Variants in SEMA6D observed in about 807,000 individuals in gnomAD.
SEMA6D encodes the protein semaphorin 6D.
In SEMA6D, 35 loss-of-function variants were observed where a neutral mutation model predicts 106.6. The ratio of observed to expected loss-of-function variants is 0.33; its 90% CI spans 0.25 to 0.44. SEMA6D has a LOEUF of 0.44. Ranked by LOEUF, SEMA6D falls within the 20% of genes least tolerant of loss-of-function variation. The pLI, the probability that SEMA6D is intolerant of heterozygous loss-of-function variation, is 1.00. For synonymous variants in SEMA6D, 499 were observed against 487.7 expected (o/e 1.02, Z -0.31); for missense variants, 1,185 against 1,345.9 (o/e 0.88, Z 1.87).
chr15:47,701,209 G>A (rs1034572943), intron 4 of SEMA6D, among the ~76,000 whole-genome samples: 3 of 152,182 alleles, frequency 2.0e-5, no homozygotes, highest in Non-Finnish European at 2.9e-5. Context: ...ATAAAGGACT[G>A]TTGTCCAAAA....
chr15:47,409,153 GTTTA>G (rs1253841936), intron 1 of SEMA6D, among the ~76,000 whole-genome samples: 3 of 152,200 alleles, frequency 2.0e-5, no homozygotes, highest in Admixed American at 1.3e-4. Context: ...AATGCTGATA[GTTTA>G]TTTAAGCTTG....
chr15:47,636,247 T>G lies in SEMA6D; in HGVS notation c.-55+35351T>G, dbSNP rs1373580741. ...AAAATAAGAGTAATAAAATGAAATT[T>G]AAAAGTACGCAAATAGAATCTGCTC... On this transcript the variant is annotated intron_variant, in intron 4 of 19. Transcript: ENST00000558014. 2.0e-5 allele frequency among the ~76,000 whole-genome samples: 3 copies of G among 152,348 alleles called. No homozygotes were observed. In the East Asian group the frequency reaches 5.8e-4, roughly 29 times the overall value.
intron 1 of SEMA6D, among the ~76,000 whole-genome samples, chr15:47,354,156 A>T (rs955970905): frequency 3.4e-5 from 5 of 147,844 alleles, no homozygotes; most frequent in Non-Finnish European, 5.9e-5. Context: ...GAAAGAGCTT[A>T]TATATATGGA....
intron 1 of SEMA6D, among the ~76,000 whole-genome samples, chr15:47,242,755 C>T (rs2032987835): frequency 6.6e-6 from 1 of 151,884 alleles, no homozygotes; most frequent in Non-Finnish European, 1.5e-5. Context: ...TAAAAGCAAC[C>T]CCTGATCATT....
chr15:47,285,314 A>G (rs1196128527), intron 1 of SEMA6D, among the ~76,000 whole-genome samples: 1 of 152,046 alleles, frequency 6.6e-6, no homozygotes, highest in Non-Finnish European at 1.5e-5. Flanking sequence ...TAGAGGAAAT[A>G]TATAATCTCC....
intron 4 of SEMA6D, chr15:47,600,939 G>A (rs16959754): frequency 6.6e-6 from 1 of 151,868 alleles, no homozygotes; most frequent in Non-Finnish European, 1.5e-5. Context: ...AAAATCCAGC[G>A]AATTGTTACT....
chr15:47,487,917 G>A (rs1477648814), intron 3 of SEMA6D, among the ~76,000 whole-genome samples: 1 of 151,932 alleles, frequency 6.6e-6, no homozygotes, highest in Non-Finnish European at 1.5e-5. Flanking sequence ...TCCTTCATCT[G>A]GGTTTTGGTG....
chr15:47,686,532 C>A (rs964800484), intron 4 of SEMA6D, among the ~76,000 whole-genome samples: 3 of 152,202 alleles, frequency 2.0e-5, no homozygotes, highest in African/African-American at 7.2e-5. Context: ...AAGTTGCTAA[C>A]ATTATGGATA....
At chr15:47,512,974 A>G (rs1442620018) in intron 3 of SEMA6D, among the ~76,000 whole-genome samples, 1 of 152,300 alleles carries the variant, frequency 6.6e-6, no homozygotes, top group South Asian at 2.1e-4. Flanking sequence ...GCCTTAACAG[A>G]TACCTTTTGC....
intron 3 of SEMA6D, among the ~76,000 whole-genome samples, chr15:47,584,473 A>G (rs2076303946): frequency 1.3e-5 from 2 of 151,980 alleles, no homozygotes; most frequent in South Asian, 4.2e-4. Flanking sequence ...GAATGGATGG[A>G]AATTTGCGGA....
At chr15:47,377,266 G>A (rs1419242177) in intron 1 of SEMA6D, among the ~76,000 whole-genome samples, 1 of 152,096 alleles carries the variant, frequency 6.6e-6, no homozygotes, top group African/African-American at 2.4e-5. Context: ...GTGTCTTAAC[G>A]AATGAAATGA....
intron 1 of SEMA6D, chr15:47,730,570 G>A: frequency 6.9e-7 from 1 of 1,444,156 alleles, no homozygotes; most frequent in East Asian, 2.3e-5. Context: ...CATCCCCTTT[G>A]CCAGCAGCTT....
chr15:47,204,937 G>C (rs1159590641), intron 1 of SEMA6D, among the ~76,000 whole-genome samples: 1 of 152,108 alleles, frequency 6.6e-6, no homozygotes, highest in Non-Finnish European at 1.5e-5. Flanking sequence ...ACCTTGGGGG[G>C]AGAAGGGAAA....
rs776772357 is a variant in SEMA6D at position 47,764,892 on chromosome 15, G to A, written c.1263G>A (p.Leu421=). 1 of 1,613,828 alleles carries A rather than the reference G, an allele frequency of 6.2e-7. No homozygotes were observed. The highest frequency in any genetic ancestry group is 1.1e-5 in the South Asian group (1 of 91,072). Reference sequence around the variant, plus strand: ...CCGCCTCCTCTTGTAGGTACAGACTGACGGCCATCTCAGTGGACCATTCAG... The same window carrying A: ...CCGCCTCCTCTTGTAGGTACAGACTAACGGCCATCTCAGTGGACCATTCAG... ...WFTKTRVRYR[L]TAISVDHSAG... Residue 421 remains leucine (L), a synonymous_variant, in exon 13 of 19, where the codon CTG becomes CTA. Coordinates refer to ENST00000536845, the MANE Select transcript of SEMA6D (RefSeq NM_001358351.3).
chr15:47,185,701 A>C lies in SEMA6D; in HGVS notation c.-239+1283A>C, dbSNP rs148947201. ...CATGGAGGCAGACATGTGTACCCAG[A>C]ATCAGAGGGAGCCGGTTATCCTCAG... On this transcript the variant is annotated intron_variant, in intron 1 of 19. Coordinates refer to the SEMA6D transcript ENST00000558014. 6.7e-3 allele frequency: 1,021 copies of C among 152,294 alleles called. 12 individuals are homozygous for C. Among genetic ancestry groups the C allele is most frequent in the Non-Finnish European group, 9.2e-3 (623 of 68,046 alleles). 9.4% of individuals were successfully genotyped at this position (152,294 alleles called of 1,614,324 possible).
chr15:47,426,810 T>C (rs1448686011), intron 2 of SEMA6D, among the ~76,000 whole-genome samples: 1 of 152,172 alleles, frequency 6.6e-6, no homozygotes, highest in Non-Finnish European at 1.5e-5. Context: ...TAAGGGCTGC[T>C]GTGAATTTTT....
At chr15:47,690,974 T>C (rs1467241890) in intron 4 of SEMA6D, among the ~76,000 whole-genome samples, 2 of 152,166 alleles carry the variant, frequency 1.3e-5, no homozygotes, top group African/African-American at 4.8e-5. Context: ...ACCATCATAC[T>C]TCTGAGTACT....
At chr15:47,472,005 A>G (rs989764219) in intron 3 of SEMA6D, among the ~76,000 whole-genome samples, 12 of 146,854 alleles carry the variant, frequency 8.2e-5, no homozygotes, top group Non-Finnish European at 1.0e-4. Flanking sequence ...GGGAAGGGGG[A>G]AGGGGATGGA....
At chr15:47,287,617 T>C (rs953917749) in intron 1 of SEMA6D, among the ~76,000 whole-genome samples, 2 of 152,188 alleles carry the variant, frequency 1.3e-5, no homozygotes, top group African/African-American at 4.8e-5. Flanking sequence ...TACTTACACC[T>C]AAATTGTTCC....
Sources: allele counts gnomAD v4.1 joint callset (sites outside exome capture counted in the v4.1 genomes callset), GRCh38; gene constraint gnomAD v4.1.1; transcripts MANE v1.5; gene names NCBI Gene and HGNC (gene_info 2026-07-23, HGNC 2026-07-21).